AARSD1: variants seen among roughly 807,000 people sequenced by gnomAD.
AARSD1 encodes alanyl-tRNA synthetase domain containing 1.
AARSD1 carries 44 observed loss-of-function variants against 48.7 expected under a neutral mutation model. The ratio of observed to expected loss-of-function variants is 0.90; its 90% CI spans 0.71 to 1.16. AARSD1 has a LOEUF of 1.16. Among genes scored for constraint, AARSD1 ranks in the 50% most tolerant of loss-of-function variants. AARSD1 has a pLI of 0.00. For synonymous variants in AARSD1, 189 were observed against 194.9 expected, an observed-to-expected ratio of 0.97 and a Z score of 0.25; for missense variants, 511 against 523.1, an observed-to-expected ratio of 0.98 and a Z score of 0.23.
intron 2 of AARSD1, among the ~76,000 whole-genome samples, chr17:42,963,475 A>G (rs1219621481): frequency 2.0e-5 from 3 of 151,904 alleles, no homozygotes; most frequent in African/African-American, 7.2e-5. Flanking sequence ...CTTTGGTGTT[A>G]TTATCCTCCT....
intron 9 of AARSD1, chr17:42,954,084 T>TG (rs1430130501): frequency 2.9e-6 from 1 of 346,596 alleles, no homozygotes; most frequent in African/African-American, 2.1e-5. Context: ...CTGGACACAG[T>TG]GGCTCACACC....
chr17:42,956,449 A>G lies in AARSD1; in HGVS notation c.501T>C (p.Pro167=). 2 of 1,614,028 alleles carry G rather than the reference A, an allele frequency of 1.2e-6. No homozygotes were observed. The highest frequency in any genetic ancestry group is 1.7e-6 in the Non-Finnish European group (2 of 1,179,996). Residue 167 remains proline, a synonymous_variant, in exon 5 of 12, where the codon CCT becomes CCC. Transcript: ENST00000427569. ...SVNEKIRDRL[P]VNVRELSLDD... is the part of the protein sequence containing the mutation. ...CCAGGCTCAGTTCTCGGACATTCAC[A>G]GGCAGCCGATCTCTGATTTTTTCAT...
Position 42,950,685 on chromosome 17 carries a change from G to T in AARSD1, c.1147C>A (p.Arg383Ser), listed in dbSNP as rs768300495. The T allele has an allele frequency of 1.9e-6, 3 of 1,613,760 alleles. No homozygotes were observed. The highest frequency in any genetic ancestry group is 2.5e-6 in the Non-Finnish European group (3 of 1,179,976). The change falls in exon 12 of 12, where the codon CGT (arginine) becomes AGT (serine). Residue 383 changes from arginine (R) to serine (S), a missense_variant. Coordinates refer to ENST00000427569, the MANE Select transcript of AARSD1 (RefSeq NM_001261434.2). ...LEGKGAGKKGRFQGKATKMSR... is the reference protein window; with the variant it reads ...LEGKGAGKKGSFQGKATKMSR... ...ATCTTGGTGGCCTTGCCCTGAAAACGGCCTTTCTTCCCTGCTCCTTTGCCT... is the reference window on the plus strand; with the variant it reads ...ATCTTGGTGGCCTTGCCCTGAAAACTGCCTTTCTTCCCTGCTCCTTTGCCT...
rs746116365 is a variant in AARSD1, at chr17:42,954,918, A to G, written c.911T>C (p.Leu304Pro). 1.2e-6 allele frequency: 2 copies of G among 1,614,116 alleles called. No homozygotes were observed. Among genetic ancestry groups the G allele is most frequent in the South Asian group, 2.2e-5 (2 of 91,082 alleles). The change falls in exon 9 of 12, where the codon CTC (leucine) becomes CCC (proline). Residue 304 changes from leucine to proline, a missense_variant. Coordinates refer to ENST00000427569, the MANE Select transcript of AARSD1 (RefSeq NM_001261434.2). ...RDLAVHIAHSLRNSPDWGGVV... is the reference protein window; with the variant it reads ...RDLAVHIAHSPRNSPDWGGVV... ...ACCTCCCCAGTCTGGACTGTTCCTGAGGCTATGGGCAATGTGCACAGCCAG... is the reference window on the plus strand; with the variant it reads ...ACCTCCCCAGTCTGGACTGTTCCTGGGGCTATGGGCAATGTGCACAGCCAG...
intron 11 of AARSD1, among the ~76,000 whole-genome samples, 174 bp downstream of exon 11, chr17:42,951,626 A>C (rs2049479733): frequency 6.6e-6 from 1 of 152,212 alleles, no homozygotes. Flanking sequence ...AAAGACCTTC[A>C]ACTGTCAAAC....
intron 11 of AARSD1, 64 bp downstream of exon 11, chr17:42,951,736 T>A (rs1483226048): frequency 1.9e-6 from 3 of 1,542,760 alleles, no homozygotes; most frequent in Non-Finnish European, 2.7e-6. Context: ...TTTGACTCAG[T>A]AAAGGAATGT....
chr17:42,956,353 A>G (rs1460738702), intron 5 of AARSD1, 33 bp from the exon 6 acceptor site: 1 of 1,614,120 alleles, frequency 6.2e-7, no homozygotes, highest in Non-Finnish European at 8.5e-7. Context: ...GACTGTCTGA[A>G]TCTGATGAGG....
chr17:42,952,285 G>A (rs150737785), intron 10 of AARSD1: 160 of 215,702 alleles, frequency 7.4e-4, no homozygotes, highest in Non-Finnish European at 1.1e-3. Context: ...AGTCTTCAAG[G>A]GCCCCTCCCC....
In AARSD1 at chr17:42,951,828, G is replaced by A. The variant is rs1302220431; in HGVS notation, c.1075C>T (p.Pro359Ser). 1.2e-5 allele frequency: 20 copies of A among 1,614,062 alleles called. No individual in the cohort carries two copies. Among genetic ancestry groups the A allele is most frequent in the Non-Finnish European group, 1.7e-5 (20 of 1,180,036 alleles). Residue 359 changes from proline (P) to serine (S), a missense_variant, in exon 11 of 12, where the codon CCT becomes TCT. Physicochemically the swap from Pro to Ser is moderately conservative, Grantham distance 74 (BLOSUM62 -1). Coordinates refer to ENST00000427569, the MANE Select transcript of AARSD1 (RefSeq NM_001261434.2). ...GGCCCCAGGGTCTCCACAGACGCAG[G>A]TGGCCCTGCCAGTAAGAAGAGTCCA... ...GGGLFLLAGP[P>S]ASVETLGPRV...
intron 4 of AARSD1, 70 bp downstream of exon 4, chr17:42,957,068 C>T: frequency 6.5e-7 from 1 of 1,542,610 alleles, no homozygotes; most frequent in Non-Finnish European, 8.8e-7. Context: ...TCAAGCAATT[C>T]TCCCACCTCC....
intron 2 of AARSD1, among the ~76,000 whole-genome samples, chr17:42,963,234 G>A (rs1311059137): frequency 1.3e-5 from 2 of 150,704 alleles, no homozygotes; most frequent in Non-Finnish European, 1.5e-5. Context: ...GGGCCTGCCA[G>A]TATGCCTGGT....
chr17:42,959,517 C>T (rs933492006), intron 3 of AARSD1, among the ~76,000 whole-genome samples: 21 of 152,000 alleles, frequency 1.4e-4, no homozygotes, highest in Admixed American at 1.0e-3. Flanking sequence ...CGTGAGCCAT[C>T]GCGAGCAGCC....
chr17:42,953,772 C>G lies in AARSD1; in HGVS notation c.960G>C (p.Glu320Asp). The G allele has an allele frequency of 6.2e-7, 1 of 1,614,150 alleles. No individual in the cohort carries two copies. Among genetic ancestry groups the G allele is most frequent in the Non-Finnish European group, 8.5e-7 (1 of 1,180,010 alleles). The change falls in exon 10 of 12, where the codon GAG becomes GAC. Residue 320 changes from glutamate to aspartate, a missense_variant. Glu to Asp is a conservative substitution (Grantham distance 45, BLOSUM62 2). Coordinates refer to ENST00000427569, the MANE Select transcript of AARSD1 (RefSeq NM_001261434.2). ...TGATATTCATGAACTCTGAATCACC[C>G]TCCTTCCTACAACAAAGGACACAGA... ...WGGVVILHRK[E>D]GDSEFMNIIA...
At position 42,955,911 on chromosome 17, in the gene AARSD1, G is replaced by A. The variant is rs756677979; in HGVS notation, c.725C>T (p.Ser242Phe). ...KKNRTNLIFL[S>F]GNRVLKWMER... ...CATCCACTTCAGCACCCGGTTCCCA[G>A]ACAGAAATATCAGGTTGGTTCTGTT... The change falls in exon 7 of 12, where the codon TCT becomes TTT. Residue 242 changes from serine to phenylalanine, a missense_variant. Physicochemically the swap from Ser to Phe is radical, Grantham distance 155 (BLOSUM62 -2). Coordinates refer to ENST00000427569, the MANE Select transcript of AARSD1 (RefSeq NM_001261434.2). 5.8e-5 allele frequency: 93 copies of A among 1,613,994 alleles called. No individual in the cohort carries two copies. Among genetic ancestry groups the A allele is most frequent in the Non-Finnish European group, 7.5e-5 (88 of 1,180,036 alleles).
Position 42,955,236 on chromosome 17 carries a change from AG to A in AARSD1, c.795-13del, listed in dbSNP as rs1483635727. Reference sequence around the variant, plus strand: ...CCTCTGCTCCACACCTGAAAGAGAAAGGTCAGAGGAGACCTGCGCAGCTTCC... The same window carrying A: ...CCTCTGCTCCACACCTGAAAGAGAAAGTCAGAGGAGACCTGCGCAGCTTCC... On this transcript the variant is annotated splice_polypyrimidine_tract_variant and intron_variant, in intron 7 of 11. Transcript: ENST00000427569. The A allele has an allele frequency of 1.2e-6, 2 of 1,613,404 alleles. No individual in the cohort carries two copies. Among genetic ancestry groups the A allele is most frequent in the Admixed American group, 3.3e-5 (2 of 59,962 alleles).
chr17:42,951,829 T>G lies in AARSD1; in HGVS notation c.1074A>C (p.Pro358=), dbSNP rs753815121. The G allele has an allele frequency of 2.5e-6, 4 of 1,614,180 alleles. No homozygotes were observed. The highest frequency in any genetic ancestry group is 1.7e-5 in the Admixed American group (1 of 60,020). Residue 358 remains proline, a synonymous_variant, in exon 11 of 12, where the codon CCA becomes CCC. Coordinates refer to ENST00000427569, the MANE Select transcript of AARSD1 (RefSeq NM_001261434.2). ...KGGGLFLLAG[P]PASVETLGPR... ...GCCCCAGGGTCTCCACAGACGCAGG[T>G]GGCCCTGCCAGTAAGAAGAGTCCAC... is the stretch of plus-strand genomic sequence containing the variant.
intron 10 of AARSD1, among the ~76,000 whole-genome samples, chr17:42,952,671 G>GA (rs1208626439): frequency 2.6e-5 from 4 of 151,650 alleles, no homozygotes; most frequent in Non-Finnish European, 5.9e-5. Context: ...CTCTGTCTCT[G>GA]AAAAAAACAA....
At chr17:42,952,087 G>A (rs1045964273) in intron 10 of AARSD1, 193 bp from the exon 11 acceptor site, 7 of 583,192 alleles carry the variant, frequency 1.2e-5, no homozygotes, top group Non-Finnish European at 1.8e-5. Context: ...AGCAACTATG[G>A]GAACTTAGGT....
chr17:42,951,535 C>G (rs35590671), intron 11 of AARSD1, among the ~76,000 whole-genome samples: 19,140 of 152,122 alleles, frequency 0.13, 1,719 homozygotes, highest in African/African-American at 0.25. Context: ...GGGCAACAGA[C>G]TAAGACTCCA....
Sources: allele counts gnomAD v4.1 joint callset (sites outside exome capture counted in the v4.1 genomes callset), GRCh38; gene constraint gnomAD v4.1.1; transcripts MANE v1.5; gene names NCBI Gene and HGNC (gene_info 2026-07-23, HGNC 2026-07-21).